Variants in SDK2 observed in about 807,000 individuals in gnomAD.
SDK2 encodes the protein protein sidekick-2.
A neutral mutation model predicts 253.9 loss-of-function variants in SDK2; 105 were observed. That is an observed-to-expected ratio of 0.41 (90% CI 0.35 to 0.49). SDK2 has a LOEUF of 0.49. Ranked by LOEUF, SDK2 falls within the 20% of genes least tolerant of loss-of-function variation. SDK2 has a pLI of 0.06. For missense variants in SDK2, 2,608 were observed against 3,003.0 expected (o/e 0.87, Z 3.07); for synonymous variants, 1,249 against 1,234.9 (o/e 1.01, Z -0.24).
intron 1 of SDK2, among the ~76,000 whole-genome samples, chr17:73,605,739 A>G (rs1440014378): frequency 6.9e-6 from 1 of 144,564 alleles, no homozygotes; most frequent in Non-Finnish European, 1.5e-5. Flanking sequence ...TGGGTTCCTC[A>G]CTAACTATGA....
intron 1 of SDK2, among the ~76,000 whole-genome samples, chr17:73,583,042 C>T (rs989763508): frequency 2.6e-5 from 4 of 152,220 alleles, no homozygotes; most frequent in Admixed American, 2.6e-4. Context: ...TCTTTGCATA[C>T]CAACTCCTAT....
chr17:73,338,779 C>T lies in SDK2; in HGVS notation c.6327G>A (p.Glu2109=). The change falls in exon 45 of 45, where the codon GAG becomes GAA. Residue 2109 remains glutamate, a synonymous_variant. Transcript: ENST00000392650. The surrounding 1 kb of genome is among the most constrained non-coding windows in gnomAD (Gnocchi z 5.0). ...AYSYTESDSG[E]PDHTTVTNST... is the part of the protein sequence containing the mutation. ...TGTTGGTGACGGTGGTGTGGTCTGG[C>T]TCACCCGAGTCGCTCTCCGTGTAGC... is the stretch of plus-strand genomic sequence containing the variant. The T allele has an allele frequency of 1.9e-6, 3 of 1,613,848 alleles. No individual in the cohort carries two copies. Among genetic ancestry groups the T allele is most frequent in the Admixed American group, 1.7e-5 (1 of 59,998 alleles).
At position 73,609,986 on chromosome 17, in the gene SDK2, T is replaced by A. The variant is rs2045953443; in HGVS notation, c.64+34039A>T. ...CAGGCAGCTGCACGGGAAACAGGTGTCCTGCTGAACAAGATGGAAGCAGGG... is the reference window on the plus strand; with the variant it reads ...CAGGCAGCTGCACGGGAAACAGGTGACCTGCTGAACAAGATGGAAGCAGGG... On this transcript the variant is annotated intron_variant, in intron 1 of 44. Coordinates refer to ENST00000392650, the MANE Select transcript of SDK2 (RefSeq NM_001144952.2). This position sits in a 1 kb window ranked among gnomAD's most constrained non-coding sequence, Gnocchi z 4.4. Among the ~76,000 whole-genome samples, 1 of 152,168 alleles carries A rather than the reference T, an allele frequency of 6.6e-6. No homozygotes were observed. Among genetic ancestry groups the A allele is most frequent in the Non-Finnish European group, 1.5e-5 (1 of 68,022 alleles).
chr17:73,355,136 T>G (rs1485142467), intron 40 of SDK2, among the ~76,000 whole-genome samples: 8 of 130,050 alleles, frequency 6.2e-5, no homozygotes, highest in African/African-American at 2.3e-4. Flanking sequence ...TACTTGTTTT[T>G]GAGCCTCTGC....
At chr17:73,551,482 T>G (rs1045204430) in intron 1 of SDK2, among the ~76,000 whole-genome samples, 2 of 152,164 alleles carry the variant, frequency 1.3e-5, no homozygotes, top group Non-Finnish European at 2.9e-5. Flanking sequence ...GCCGAGGCCT[T>G]CGGTTTTCTC....
At chr17:73,475,421 G>A (rs1408776387) in intron 2 of SDK2, among the ~76,000 whole-genome samples, 2 of 152,016 alleles carry the variant, frequency 1.3e-5, no homozygotes, top group African/African-American at 2.4e-5. Flanking sequence ...CAAACTGCTG[G>A]GATTACAGGC....
Position 73,420,113 on chromosome 17 carries a change from G to A in SDK2, c.2046-807C>T, listed in dbSNP as rs931496293. Among the ~76,000 whole-genome samples the A allele has an allele frequency of 3.9e-5, 6 of 152,310 alleles. No homozygotes were observed. The South Asian group carries it at 1.0e-3, about 26-fold the overall frequency. ...CAGGAGCAGGGCGGGCATGGCGTGT[G>A]AGGGAGAGAGCCAAGGACACCCACC... On this transcript the variant is annotated intron_variant, in intron 15 of 44. Transcript: ENST00000392650.
At chr17:73,533,135 G>A (rs1208479448) in intron 1 of SDK2, among the ~76,000 whole-genome samples, 1 of 152,236 alleles carries the variant, frequency 6.6e-6, no homozygotes, top group East Asian at 1.9e-4. Context: ...GCAGTGCAGC[G>A]CTCCATCAAG....
intron 2 of SDK2, among the ~76,000 whole-genome samples, chr17:73,492,156 G>C (rs1240008755): frequency 6.6e-6 from 1 of 152,150 alleles, no homozygotes; most frequent in Admixed American, 6.5e-5. Flanking sequence ...TCCCCACCAA[G>C]CCCAGCCCAA....
intron 1 of SDK2, among the ~76,000 whole-genome samples, chr17:73,596,966 G>T (rs2045768143): frequency 6.6e-6 from 1 of 152,176 alleles, no homozygotes; most frequent in African/African-American, 2.4e-5. Context: ...CCATTCTGGG[G>T]ACTCTGGTCG....
At chr17:73,380,768 C>G in intron 34 of SDK2, 126 bp downstream of exon 34, 2 of 809,852 alleles carry the variant, frequency 2.5e-6, no homozygotes, top group Non-Finnish European at 4.2e-6. Flanking sequence ...AGGGTAGTCC[C>G]GTTTCTTAAG....
intron 33 of SDK2, among the ~76,000 whole-genome samples, chr17:73,382,415 T>C (rs1599504900): frequency 6.6e-6 from 1 of 152,120 alleles, no homozygotes; most frequent in East Asian, 1.9e-4. Context: ...TTTATAAAAA[T>C]CTCTAGTGGT....
Position 73,644,071 on chromosome 17 carries a change from G to C in SDK2, c.18C>G (p.Ile6Met). Reference protein sequence around the residue: MWGLLIWTLLALHQIR... With the variant: MWGLLMWTLLALHQIR... ...TCTGATGCAGAGCTAGCAGTGTCCAGATCAAAAGCCCCCACATGGTGACCA... is the reference window on the plus strand; with the variant it reads ...TCTGATGCAGAGCTAGCAGTGTCCACATCAAAAGCCCCCACATGGTGACCA... The change falls in exon 1 of 45, where the codon ATC (isoleucine) becomes ATG (methionine). Residue 6 changes from isoleucine to methionine, a missense_variant. Transcript: ENST00000392650. The surrounding 1 kb of genome is among the most constrained non-coding windows in gnomAD (Gnocchi z 6.3). 6.5e-7 allele frequency: 1 copy of C among 1,549,774 alleles called. No individual in the cohort carries two copies. Among genetic ancestry groups the C allele is most frequent in the Non-Finnish European group, 8.7e-7 (1 of 1,145,936 alleles).
At chr17:73,373,892 T>C (rs1294461070) in intron 36 of SDK2, among the ~76,000 whole-genome samples, 7,347 of 134,084 alleles carry the variant, frequency 0.055, 518 homozygotes, top group East Asian at 0.15. Flanking sequence ...CTACCTTGGC[T>C]TCCCAAAGTG....
intron 1 of SDK2, among the ~76,000 whole-genome samples, chr17:73,532,729 C>T (rs1567826877): frequency 6.6e-6 from 1 of 152,146 alleles, no homozygotes; most frequent in Non-Finnish European, 1.5e-5. Context: ...GGGCTGGAGG[C>T]TCTCTCTTGT....
chr17:73,411,614 G>A (rs2063125991), intron 18 of SDK2, among the ~76,000 whole-genome samples: 1 of 151,864 alleles, frequency 6.6e-6, no homozygotes, highest in African/African-American at 2.4e-5. Flanking sequence ...CCCATGCTGT[G>A]CTCTGTCTTT....
intron 1 of SDK2, among the ~76,000 whole-genome samples, chr17:73,605,292 G>C (rs945481411): frequency 6.6e-6 from 1 of 152,296 alleles, no homozygotes; most frequent in African/African-American, 2.4e-5. Flanking sequence ...AGGTCAGGCT[G>C]AGGGGAAAGA....
intron 38 of SDK2, among the ~76,000 whole-genome samples, chr17:73,364,898 C>T (rs1022328959): frequency 6.6e-5 from 10 of 152,326 alleles, no homozygotes; most frequent in East Asian, 1.9e-4. Flanking sequence ...GCTGTCATTA[C>T]AGGCGTGAGC....
chr17:73,611,942 G>C (rs569920587), intron 1 of SDK2, among the ~76,000 whole-genome samples: 8 of 152,198 alleles, frequency 5.3e-5, no homozygotes, highest in African/African-American at 1.7e-4. Flanking sequence ...GGGAGAAGCA[G>C]GACCCCAACG....
Sources: allele counts gnomAD v4.1 joint callset (sites outside exome capture counted in the v4.1 genomes callset), GRCh38; gene constraint gnomAD v4.1.1; non-coding constraint Gnocchi (gnomAD v3.1); transcripts MANE v1.5; gene names NCBI Gene and HGNC (gene_info 2026-07-23, HGNC 2026-07-21).